CACNA1C: variants seen among roughly 807,000 people sequenced by gnomAD.
The protein encoded by CACNA1C is calcium voltage-gated channel subunit alpha1 C.
In CACNA1C, 30 loss-of-function variants were observed where a neutral mutation model predicts 229.0. That is an observed-to-expected ratio of 0.13 (90% CI 0.10 to 0.18). The LOEUF (loss-of-function observed/expected upper bound fraction) is 0.18. Ranked by LOEUF, CACNA1C falls within the 10% of genes least tolerant of loss-of-function variation. CACNA1C has a pLI of 1.00. For synonymous variants in CACNA1C, 1,114 were observed against 1,132.5 expected, an observed-to-expected ratio of 0.98 and a Z score of 0.33; for missense variants, 1,658 against 2,845.0, an observed-to-expected ratio of 0.58 and a Z score of 9.49.
chr12:2,311,572 C>T (rs562425126), intron 3 of CACNA1C, among the ~76,000 whole-genome samples: 5 of 152,278 alleles, frequency 3.3e-5, no homozygotes, highest in South Asian at 4.1e-4. Flanking sequence ...AGCAAACAGG[C>T]GACAGCGTGA....
chr12:2,360,834 T>C (rs943032337), intron 3 of CACNA1C, among the ~76,000 whole-genome samples: 2 of 152,102 alleles, frequency 1.3e-5, no homozygotes, highest in Non-Finnish European at 2.9e-5. Flanking sequence ...TTAAATTCAA[T>C]GTTTTTTTTT....
At chr12:2,643,135 AGGG>A (rs2093922718) in intron 30 of CACNA1C, among the ~76,000 whole-genome samples, 1 of 152,228 alleles carries the variant, frequency 6.6e-6, no homozygotes, top group African/African-American at 2.4e-5. Flanking sequence ...GGAGTTCTGA[AGGG>A]GCATTTCAAC....
chr12:2,283,613 G>A (rs907212816), intron 3 of CACNA1C, among the ~76,000 whole-genome samples: 19 of 152,184 alleles, frequency 1.2e-4, no homozygotes, highest in African/African-American at 4.1e-4. Context: ...TACCCAATAC[G>A]TGTCTATTAC....
chr12:2,349,414 T>A (rs544271011), intron 3 of CACNA1C, among the ~76,000 whole-genome samples: 1 of 152,160 alleles, frequency 6.6e-6, no homozygotes, highest in Non-Finnish European at 1.5e-5. Context: ...AATCATCGTT[T>A]TTTTTAAAGT....
At chr12:2,217,682 C>T (rs2060330317) in intron 3 of CACNA1C, 1 of 152,124 alleles carries the variant, frequency 6.6e-6, no homozygotes, top group Admixed American at 6.5e-5. Context: ...AGAGATGGTT[C>T]CATCTCAAGG....
intron 3 of CACNA1C, among the ~76,000 whole-genome samples, chr12:2,249,712 C>G (rs2074812911): frequency 6.6e-6 from 1 of 151,864 alleles, no homozygotes; most frequent in Non-Finnish European, 1.5e-5. Context: ...GGCCTAAAAT[C>G]TAGTCTAGGG....
Position 2,319,692 on chromosome 12 carries a change from T to G in CACNA1C, c.478-129284T>G, listed in dbSNP as rs890174786. Among the ~76,000 whole-genome samples the G allele has an allele frequency of 3.9e-5, 6 of 152,166 alleles. No homozygotes were observed. The highest frequency in any genetic ancestry group is 1.2e-4 in the African/African-American group (5 of 41,438). Reference sequence around the variant, plus strand: ...GCTTGCTCTTGCTGTGTATTAAATTTGATCTGGGGTGTCTGCAAATGTTGG... The same window carrying G: ...GCTTGCTCTTGCTGTGTATTAAATTGGATCTGGGGTGTCTGCAAATGTTGG... On this transcript the variant is annotated intron_variant, in intron 3 of 46. Coordinates refer to ENST00000399655, the MANE Select transcript of CACNA1C (RefSeq NM_000719.7). The surrounding 1 kb of genome is among the most constrained non-coding windows in gnomAD (Gnocchi z 4.0).
intron 11 of CACNA1C, among the ~76,000 whole-genome samples, chr12:2,562,096 G>A (rs774199061): frequency 2.6e-5 from 3 of 113,510 alleles, no homozygotes; most frequent in African/African-American, 3.5e-5. Flanking sequence ...CCAAATCCAT[G>A]TGACTCTCCC....
chr12:2,426,674 G>A (rs759075564), intron 3 of CACNA1C, among the ~76,000 whole-genome samples: 5 of 152,244 alleles, frequency 3.3e-5, no homozygotes, highest in Non-Finnish European at 5.9e-5. Context: ...CAGTTGAGCA[G>A]TTCTTCTGGA....
At chr12:2,082,496 A>AC (rs768688249) in intron 1 of CACNA1C, among the ~76,000 whole-genome samples, 12 of 151,712 alleles carry the variant, frequency 7.9e-5, no homozygotes, top group East Asian at 5.8e-4. Context: ...GTCAGACAAC[A>AC]CCCCCCGCAT....
At chr12:2,362,089 G>A (rs890995247) in intron 3 of CACNA1C, among the ~76,000 whole-genome samples, 2 of 152,228 alleles carry the variant, frequency 1.3e-5, no homozygotes, top group African/African-American at 4.8e-5. Context: ...GCACACAGCT[G>A]GTGCTTAAAA....
chr12:2,113,781 T>G (rs1307746177), intron 1 of CACNA1C, among the ~76,000 whole-genome samples: 1 of 152,234 alleles, frequency 6.6e-6, no homozygotes, highest in Non-Finnish European at 1.5e-5. Context: ...GCTGATCGCT[T>G]GGCAAACCTT....
At chr12:2,582,058 C>A (rs2060671735) in intron 14 of CACNA1C, among the ~76,000 whole-genome samples, 2 of 151,772 alleles carry the variant, frequency 1.3e-5, no homozygotes, top group African/African-American at 4.8e-5. Context: ...ATCTCTTGAA[C>A]CCAGGAGGCA....
intron 3 of CACNA1C, among the ~76,000 whole-genome samples, chr12:2,268,678 G>A (rs752351306): frequency 5.9e-5 from 9 of 152,140 alleles, no homozygotes; most frequent in African/African-American, 1.7e-4. Flanking sequence ...TGGGAGCATC[G>A]TGGGCATTTA....
chr12:2,177,476 T>C, intron 3 of CACNA1C, among the ~76,000 whole-genome samples: 1 of 151,856 alleles, frequency 6.6e-6, no homozygotes, highest in Non-Finnish European at 1.5e-5. Context: ...TTTCTTTCTT[T>C]CTCTTTCTTT....
chr12:2,583,440 G>GC (rs1179600993), intron 15 of CACNA1C, among the ~76,000 whole-genome samples: 16 of 152,196 alleles, frequency 1.1e-4, no homozygotes, highest in Admixed American at 1.0e-3. Flanking sequence ...ACTTCAAACA[G>GC]CCCCAAAAGC....
chr12:2,423,868 C>T (rs2099002686), intron 3 of CACNA1C, among the ~76,000 whole-genome samples: 2 of 152,166 alleles, frequency 1.3e-5, no homozygotes, highest in African/African-American at 4.8e-5. Context: ...AAATTCTCCC[C>T]TCCTCAACCT....
At chr12:2,533,958 T>A (rs926587373) in intron 9 of CACNA1C, among the ~76,000 whole-genome samples, 2 of 152,140 alleles carry the variant, frequency 1.3e-5, no homozygotes, top group Non-Finnish European at 2.9e-5. Flanking sequence ...AAGAACCATA[T>A]GTGTCAGCAC....
chr12:2,460,415 A>G (rs1422583706), intron 5 of CACNA1C, among the ~76,000 whole-genome samples: 1 of 152,244 alleles, frequency 6.6e-6, no homozygotes, highest in African/African-American at 2.4e-5. Flanking sequence ...ATTGTTATCA[A>G]CAGCTGTAGC....
Sources: allele counts gnomAD v4.1 joint callset (sites outside exome capture counted in the v4.1 genomes callset), GRCh38; gene constraint gnomAD v4.1.1; non-coding constraint Gnocchi (gnomAD v3.1); transcripts MANE v1.5; gene names NCBI Gene and HGNC (gene_info 2026-07-23, HGNC 2026-07-21).